The following DNER variants were observed in gnomAD, a reference collection of about 807,000 sequenced individuals.
The protein encoded by DNER is delta and Notch-like epidermal growth factor-related receptor.
Under a neutral mutation model 78.2 loss-of-function variants are expected in DNER, and 33 were observed. The observed-to-expected ratio is 0.42, with a 90% CI of 0.32 to 0.56. The LOEUF (loss-of-function observed/expected upper bound fraction) is 0.56, where lower values mean the gene tolerates loss of function less well. Among genes scored for constraint, DNER ranks in the 20% least tolerant of loss-of-function variants. The probability of loss-of-function intolerance (pLI) is 0.11; values close to 1 mark genes in which losing one functional copy is unlikely to be tolerated. For missense variants in DNER, 918 were observed against 975.3 expected, an observed-to-expected ratio of 0.94 and a Z score of 0.78; for synonymous variants, 417 against 384.8, an observed-to-expected ratio of 1.08 and a Z score of -0.98.
At chr2:229,500,069 G>T (rs1695585842) in intron 6 of DNER, among the ~76,000 whole-genome samples, 1 of 152,006 alleles carries the variant, frequency 6.6e-6, no homozygotes, top group Non-Finnish European at 1.5e-5. Context: ...GAGTAGCTGG[G>T]ACTACAGGCA....
intron 7 of DNER, among the ~76,000 whole-genome samples, chr2:229,467,272 T>A (rs1411951641): frequency 6.6e-6 from 1 of 152,170 alleles, no homozygotes; most frequent in African/African-American, 2.4e-5. Context: ...TCTTTAAAAA[T>A]GGGCTAAATG....
intron 12 of DNER, among the ~76,000 whole-genome samples, chr2:229,363,769 C>T (rs1454385331): frequency 2.0e-5 from 3 of 152,102 alleles, no homozygotes; most frequent in Admixed American, 2.0e-4. Context: ...CAGAATCTAT[C>T]TTAAACTATT....
At chr2:229,399,268 G>T (rs760961451) in intron 10 of DNER, among the ~76,000 whole-genome samples, 16 of 150,042 alleles carry the variant, frequency 1.1e-4, no homozygotes, top group Non-Finnish European at 1.8e-4. Flanking sequence ...ATACTAGCAA[G>T]AACAATTCTA....
At chr2:229,592,558 C>T (rs1406587265) in intron 1 of DNER, among the ~76,000 whole-genome samples, 1 of 152,120 alleles carries the variant, frequency 6.6e-6, no homozygotes, top group Non-Finnish European at 1.5e-5. Context: ...CCCCTTCCCT[C>T]GCCAGATATG....
chr2:229,647,671 A>C, intron 1 of DNER, among the ~76,000 whole-genome samples: 1 of 152,236 alleles, frequency 6.6e-6, no homozygotes, highest in Non-Finnish European at 1.5e-5. Context: ...ACAATTTCGA[A>C]GTGACAACAC....
In DNER at chr2:229,367,076, G is replaced by A. The variant is rs746587370; in HGVS notation, c.1899C>T (p.Asn633=). 6.2e-7 allele frequency: 1 copy of A among 1,614,182 alleles called. No individual in the cohort carries two copies. The highest frequency in any genetic ancestry group is 8.5e-7 in the Non-Finnish European group (1 of 1,180,028). ...KSGHMAESLT[N]MPRHSLYIII... ...TGATGTAGAGGGAGTGCCGTGGCAT[G>A]TTGGTGAGGCTCTCCGCCATGTGCC... The change falls in exon 12 of 13, where the codon AAC becomes AAT. Residue 633 remains asparagine (N), a synonymous_variant. Coordinates refer to ENST00000341772, the MANE Select transcript of DNER (RefSeq NM_139072.4).
chr2:229,682,963 A>T (rs971798555), intron 1 of DNER, among the ~76,000 whole-genome samples: 1 of 152,254 alleles, frequency 6.6e-6, no homozygotes, highest in Non-Finnish European at 1.5e-5. Context: ...GAACTATACA[A>T]CTGTAAAGAT....
chr2:229,465,521 G>A (rs1461217892), intron 7 of DNER, among the ~76,000 whole-genome samples: 2 of 151,894 alleles, frequency 1.3e-5, no homozygotes, highest in Non-Finnish European at 2.9e-5. Flanking sequence ...AATCACCATG[G>A]CACACATTTA....
chr2:229,401,139 CT>C (rs1693258179), intron 10 of DNER, among the ~76,000 whole-genome samples: 1 of 152,044 alleles, frequency 6.6e-6, no homozygotes, highest in African/African-American at 2.4e-5. Context: ...CATTTTACCC[CT>C]ATCAGAATGG....
chr2:229,472,508 C>T (rs1360807939), intron 7 of DNER, among the ~76,000 whole-genome samples: 1 of 152,106 alleles, frequency 6.6e-6, no homozygotes, highest in Non-Finnish European at 1.5e-5. Context: ...GAGTAGTATT[C>T]AGACTGTATT....
At chr2:229,564,771 G>C (rs1697069930) in intron 4 of DNER, among the ~76,000 whole-genome samples, 1 of 152,062 alleles carries the variant, frequency 6.6e-6, no homozygotes, top group South Asian at 2.1e-4. Context: ...CAACCAACAT[G>C]TATTTAAAAT....
chr2:229,647,908 G>A (rs901839631), intron 1 of DNER, among the ~76,000 whole-genome samples: 2 of 152,160 alleles, frequency 1.3e-5, no homozygotes, highest in African/African-American at 2.4e-5. Context: ...AATCATCTGT[G>A]ATTCGGGAGG....
At chr2:229,455,271 C>T (rs1450936711) in intron 7 of DNER, among the ~76,000 whole-genome samples, 1 of 152,102 alleles carries the variant, frequency 6.6e-6, no homozygotes, top group African/African-American at 2.4e-5. Context: ...TTTGAATCTT[C>T]TTACTACCGT....
chr2:229,557,227 G>A (rs142587557), intron 4 of DNER, among the ~76,000 whole-genome samples: 20 of 152,320 alleles, frequency 1.3e-4, no homozygotes, highest in African/African-American at 4.3e-4. Flanking sequence ...TGAGTTCTTT[G>A]ACACAGCACT....
intron 1 of DNER, among the ~76,000 whole-genome samples, chr2:229,688,718 T>C (rs1699523924): frequency 6.6e-6 from 1 of 152,154 alleles, no homozygotes; most frequent in Non-Finnish European, 1.5e-5. Context: ...AAAATAAACC[T>C]ATTCATGGTA....
chr2:229,608,732 G>A (rs1697993240), intron 1 of DNER, among the ~76,000 whole-genome samples: 1 of 152,192 alleles, frequency 6.6e-6, no homozygotes, highest in Admixed American at 6.5e-5. Context: ...AGGGAAGTGG[G>A]TTGGGGAGGA....
intron 4 of DNER, among the ~76,000 whole-genome samples, chr2:229,564,437 A>T (rs571367852): frequency 2.9e-5 from 4 of 138,814 alleles, no homozygotes; most frequent in Non-Finnish European, 1.6e-5. Flanking sequence ...CATCATCATC[A>T]TCCTCATCCC....
At chr2:229,575,354 T>C (rs1427471876) in intron 4 of DNER, among the ~76,000 whole-genome samples, 1 of 152,210 alleles carries the variant, frequency 6.6e-6, no homozygotes, top group Non-Finnish European at 1.5e-5. Context: ...AAACTGATGC[T>C]CAAAAACTGC....
intron 12 of DNER, among the ~76,000 whole-genome samples, chr2:229,361,948 T>C (rs1441112788): frequency 1.3e-5 from 2 of 152,090 alleles, no homozygotes; most frequent in Admixed American, 6.5e-5. Flanking sequence ...CATAGTAACA[T>C]GTTCCCACCT....
Sources: allele counts gnomAD v4.1 joint callset (sites outside exome capture counted in the v4.1 genomes callset), GRCh38; gene constraint gnomAD v4.1.1; transcripts MANE v1.5; gene names NCBI Gene and HGNC (gene_info 2026-07-23, HGNC 2026-07-21).